Variants in KDM4C observed in about 807,000 individuals in gnomAD.
KDM4C encodes lysine-specific demethylase 4C.
In KDM4C, 81 loss-of-function variants were observed where a neutral mutation model predicts 129.3. That is an observed-to-expected ratio of 0.63 (90% CI 0.52 to 0.75). The LOEUF is 0.75. Ranked by LOEUF, KDM4C falls within the 30% of genes least tolerant of loss-of-function variation. The probability of loss-of-function intolerance (pLI) is 0.00; values close to 1 mark genes in which losing one functional copy is unlikely to be tolerated. For missense variants in KDM4C, 1,457 were observed against 1,304.0 expected (o/e 1.12, Z -1.81); for synonymous variants, 573 against 456.1 (o/e 1.26, Z -3.26).
upstream of KDM4C, among the ~76,000 whole-genome samples, chr9:6,752,922 T>A (rs973722300): frequency 2.0e-5 from 3 of 152,200 alleles, no homozygotes; most frequent in Non-Finnish European, 2.9e-5. Context: ...ATGAAAGATG[T>A]CCTGTGATAT....
chr9:7,032,154 C>T (rs1587073338), intron 15 of KDM4C, among the ~76,000 whole-genome samples: 1 of 152,214 alleles, frequency 6.6e-6, no homozygotes, highest in East Asian at 1.9e-4. Context: ...GAATCTTTGA[C>T]TCCCAACACT....
At chr9:7,173,397 T>G (rs1459129597) in intron 21 of KDM4C, among the ~76,000 whole-genome samples, 1 of 152,198 alleles carries the variant, frequency 6.6e-6, no homozygotes, top group Non-Finnish European at 1.5e-5. Context: ...GTTATGTAGG[T>G]CTAGCCTGGG....
At chr9:7,033,433 C>A (rs1564015891) in intron 15 of KDM4C, among the ~76,000 whole-genome samples, 1 of 152,168 alleles carries the variant, frequency 6.6e-6, no homozygotes, top group Non-Finnish European at 1.5e-5. Flanking sequence ...CCTGAGGTGG[C>A]AGATTATTCT....
At position 7,069,019 on chromosome 9, in the gene KDM4C, G is replaced by T. The variant is rs906206899; in HGVS notation, c.2424+19819G>T. ...GCCTATGATGCCCTACTTTCTATCC[G>T]AACCTTTCTTCTCACTCTACATTCT... On this transcript the variant is annotated intron_variant, in intron 17 of 21. Coordinates refer to ENST00000381309, the MANE Select transcript of KDM4C (RefSeq NM_015061.6). 2.0e-5 allele frequency among the ~76,000 whole-genome samples: 3 copies of T among 151,932 alleles called. No homozygotes were observed. The East Asian group carries it at 5.8e-4, about 29-fold the overall frequency.
At chr9:6,748,906 G>C in intron 1 of KDM4C, 2 of 948,502 alleles carry the variant, frequency 2.1e-6, no homozygotes, top group South Asian at 1.3e-5. Context: ...GATCTATTTT[G>C]TAAGTATCTG....
At chr9:7,091,088 G>A (rs1835743174) in intron 17 of KDM4C, among the ~76,000 whole-genome samples, 1 of 152,236 alleles carries the variant, frequency 6.6e-6, no homozygotes, top group South Asian at 2.1e-4. Flanking sequence ...TTGCTTGGGG[G>A]CTCTATTTTT....
At chr9:6,995,141 ATT>A (rs35711391) in intron 12 of KDM4C, among the ~76,000 whole-genome samples, 2 of 144,222 alleles carry the variant, frequency 1.4e-5, no homozygotes, top group African/African-American at 2.6e-5. Context: ...TTTTCCTAGG[ATT>A]TTTTTTTTTT....
chr9:6,985,911 G>C (rs1211397989), intron 10 of KDM4C, among the ~76,000 whole-genome samples: 3 of 152,166 alleles, frequency 2.0e-5, no homozygotes, highest in Admixed American at 6.5e-5. Context: ...GGCTGATCTT[G>C]AACTTCTGGC....
chr9:7,122,139 T>C (rs1200445678), intron 18 of KDM4C, among the ~76,000 whole-genome samples: 1 of 151,808 alleles, frequency 6.6e-6, no homozygotes, highest in East Asian at 1.9e-4. Context: ...GAAGCATGGA[T>C]GGGGAGGCCT....
intron 18 of KDM4C, among the ~76,000 whole-genome samples, chr9:7,107,243 A>G (rs1837796150): frequency 6.6e-6 from 1 of 152,234 alleles, no homozygotes; most frequent in African/African-American, 2.4e-5. Context: ...TATATTCCTA[A>G]CCCAGTTATC....
At chr9:7,038,768 C>G (rs564429554) in intron 15 of KDM4C, among the ~76,000 whole-genome samples, 1 of 152,084 alleles carries the variant, frequency 6.6e-6, no homozygotes, top group South Asian at 2.1e-4. Flanking sequence ...ACCATCATAA[C>G]AGCTTACATG....
At chr9:6,889,797 A>G (rs369974135) in intron 7 of KDM4C, among the ~76,000 whole-genome samples, 1 of 152,180 alleles carries the variant, frequency 6.6e-6, no homozygotes, top group African/African-American at 2.4e-5. Flanking sequence ...TGATACGTGA[A>G]GAGAAGTTAT....
chr9:6,865,880 AG>A (rs574933760), intron 5 of KDM4C, among the ~76,000 whole-genome samples: 57 of 152,060 alleles, frequency 3.7e-4, no homozygotes, highest in African/African-American at 1.3e-3. Context: ...CCTCCCGAGT[AG>A]CTGGGACTAC....
At chr9:7,038,782 C>A (rs988695677) in intron 15 of KDM4C, among the ~76,000 whole-genome samples, 2 of 151,848 alleles carry the variant, frequency 1.3e-5, no homozygotes, top group Non-Finnish European at 2.9e-5. Flanking sequence ...TTACATGACC[C>A]CCAAACTAGA....
In KDM4C at chr9:6,984,355, T is replaced by C. The variant is rs1817311328; in HGVS notation, c.1305T>C (p.Ala435=). The change falls in exon 10 of 22, where the codon GCT becomes GCC. Residue 435 remains alanine, a synonymous_variant. Transcript: ENST00000381309. ...CATCTTCAGAAGAAGAGTCATCTGC[T>C]AGCAGGATGCAGGTGGAGCAGAATT... ...TEASSEEESS[A]SRMQVEQNLS... 1.2e-5 allele frequency: 20 copies of C among 1,613,984 alleles called. No homozygotes were observed. The highest frequency in any genetic ancestry group is 1.7e-5 in the Non-Finnish European group (20 of 1,179,860).
intron 2 of KDM4C, among the ~76,000 whole-genome samples, chr9:6,797,146 A>AT (rs1230304734): frequency 1.3e-5 from 2 of 151,472 alleles, no homozygotes; most frequent in Admixed American, 6.6e-5. Context: ...CGCCTGGGTA[A>AT]TTTTTTTTAT....
chr9:7,147,748 C>T (rs1842344824), intron 19 of KDM4C, among the ~76,000 whole-genome samples: 1 of 152,196 alleles, frequency 6.6e-6, no homozygotes, highest in Non-Finnish European at 1.5e-5. Flanking sequence ...CCAGGGTGCT[C>T]CTTGCTCTGC....
In KDM4C at chr9:7,011,992, G is replaced by A. The variant is rs547496264; in HGVS notation, c.1968+113G>A. ...TTCCTTTGCACATAAGAAGGAAGACGTCCTTAGGTAGCTGATGGCTTTCAT... is the reference window on the plus strand; with the variant it reads ...TTCCTTTGCACATAAGAAGGAAGACATCCTTAGGTAGCTGATGGCTTTCAT... On this transcript the variant is annotated intron_variant, in intron 13 of 21. Coordinates refer to ENST00000381309, the MANE Select transcript of KDM4C (RefSeq NM_015061.6). The A allele has an allele frequency of 5.2e-5, 41 of 793,978 alleles. No homozygotes were observed. In the African/African-American group the frequency reaches 5.5e-4, roughly 11 times the overall value. The allele number at this position is 793,978 out of a possible 1,614,324, so 49.2% of individuals were successfully genotyped here.
intron 8 of KDM4C, among the ~76,000 whole-genome samples, chr9:6,898,078 G>A (rs949770080): frequency 2.0e-5 from 3 of 152,114 alleles, no homozygotes; most frequent in South Asian, 2.1e-4. Flanking sequence ...CCGTTTGCTG[G>A]GATGAAGTGC....
Sources: allele counts gnomAD v4.1 joint callset (sites outside exome capture counted in the v4.1 genomes callset), GRCh38; gene constraint gnomAD v4.1.1; transcripts MANE v1.5; gene names NCBI Gene and HGNC (gene_info 2026-07-23, HGNC 2026-07-21).